Variants in CCDC15 observed in about 807,000 individuals in gnomAD.
The protein encoded by CCDC15 is coiled-coil domain-containing protein 15.
A neutral mutation model predicts 114.5 loss-of-function variants in CCDC15; 105 were observed. The ratio of observed to expected loss-of-function variants is 0.92; its 90% confidence interval spans 0.78 to 1.08. The LOEUF (loss-of-function observed/expected upper bound fraction) is 1.08. Ranked by LOEUF, CCDC15 falls within the 50% of genes least tolerant of loss-of-function variation. The pLI is 0.00. For synonymous variants in CCDC15, 334 were observed against 377.8 expected (o/e 0.88, Z 1.34); for missense variants, 1,105 against 1,093.6 (o/e 1.01, Z -0.15).
chr11:125,000,051 C>T (rs747171753), intron 11 of CCDC15, among the ~76,000 whole-genome samples: 3 of 151,320 alleles, frequency 2.0e-5, no homozygotes, highest in Non-Finnish European at 4.4e-5. Flanking sequence ...TTAGTGGAAA[C>T]GGGGTTTCAC....
At chr11:125,020,093 G>C (rs1281216477) in intron 13 of CCDC15, among the ~76,000 whole-genome samples, 1 of 151,842 alleles carries the variant, frequency 6.6e-6, no homozygotes. Flanking sequence ...CATGGAATTG[G>C]GAGACAAGAG....
intron 15 of CCDC15, 78 bp from the exon 16 acceptor site, chr11:125,040,512 C>T: frequency 2.3e-6 from 3 of 1,291,842 alleles, no homozygotes; most frequent in Non-Finnish European, 3.2e-6. Context: ...GGTAGAGAAG[C>T]AGTACTAATA....
intron 8 of CCDC15, among the ~76,000 whole-genome samples, chr11:124,991,189 A>G (rs1249878677): frequency 6.6e-6 from 1 of 152,230 alleles, no homozygotes; most frequent in Non-Finnish European, 1.5e-5. Flanking sequence ...CTATGCAGGC[A>G]TCATCAGGCC....
intron 8 of CCDC15, among the ~76,000 whole-genome samples, chr11:124,988,529 G>T (rs1242064724): frequency 6.6e-6 from 1 of 152,168 alleles, no homozygotes; most frequent in East Asian, 1.9e-4. Context: ...GATGTTTGGG[G>T]TGGCTGTGGA....
Position 125,038,545 on chromosome 11 carries a change from A to T in CCDC15, c.2526A>T (p.Leu842Phe). 1 of 1,582,198 alleles carries T rather than the reference A, an allele frequency of 6.3e-7. No individual in the cohort carries two copies. The highest frequency in any genetic ancestry group is 8.6e-7 in the Non-Finnish European group (1 of 1,165,234). Residue 842 changes from leucine to phenylalanine, a missense_variant, in exon 14 of 16, where the codon TTA becomes TTT. Coordinates refer to ENST00000344762, the MANE Select transcript of CCDC15 (RefSeq NM_025004.3). ...AGTTGAGTGAGATATTAGCCCAGTT[A>T]CAACTTCAAGAAATAAAAGGAACCA... is the stretch of plus-strand genomic sequence containing the variant. Reference protein sequence around the residue: ...GEKLSEILAQLQLQEIKGTRE... With the variant: ...GEKLSEILAQFQLQEIKGTRE...
chr11:124,987,092 C>A, intron 7 of CCDC15, 35 bp from the exon 8 acceptor site: 1 of 1,462,012 alleles, frequency 6.8e-7, no homozygotes, highest in Non-Finnish European at 9.1e-7. Context: ...GCTACTAACT[C>A]ACATTCTGTA....
Position 125,038,901 on chromosome 11 carries a change from A to T in CCDC15, c.2586-20A>T, listed in dbSNP as rs1469824586. 2 of 1,600,294 alleles carry T rather than the reference A, an allele frequency of 1.2e-6. No homozygotes were observed. Among genetic ancestry groups the T allele is most frequent in the Non-Finnish European group, 1.7e-6 (2 of 1,173,410 alleles). ...TCTTTTTAATAGTTCACTTTGCCTGATTATACTTTATTTGTACAGATATGT... is the reference window on the plus strand; with the variant it reads ...TCTTTTTAATAGTTCACTTTGCCTGTTTATACTTTATTTGTACAGATATGT... On this transcript the variant is annotated intron_variant, in intron 14 of 15. Coordinates refer to ENST00000344762, the MANE Select transcript of CCDC15 (RefSeq NM_025004.3).
rs1402202239 is a variant in CCDC15 at position 124,975,161 on chromosome 11, G to A, written c.582G>A (p.Lys194=). 2 of 1,603,816 alleles carry A rather than the reference G, an allele frequency of 1.2e-6. No individual in the cohort carries two copies. The highest frequency in any genetic ancestry group is 8.5e-7 in the Non-Finnish European group (1 of 1,175,886). ...CCTTTAAAACCGTGATTAAAAAAAA[G>A]GGATCAGTGTTTCCAGATGATGGAA... is the stretch of plus-strand genomic sequence containing the variant. ...LASFKTVIKK[K]GSVFPDDGRK... The change falls in exon 5 of 16, where the codon AAG becomes AAA. Residue 194 remains lysine, a synonymous_variant. Transcript: ENST00000344762.
At chr11:124,986,711 G>GCGCA (rs1565366484) in intron 6 of CCDC15, 31 bp from the exon 7 acceptor site, 2 of 1,456,792 alleles carry the variant, frequency 1.4e-6, no homozygotes, top group South Asian at 1.4e-5. Flanking sequence ...GCGCGCGCGC[G>GCGCA]CGTGCGCGTT....
intron 12 of CCDC15, 35 bp from the exon 13 acceptor site, chr11:125,005,074 G>A: frequency 4.2e-6 from 4 of 947,780 alleles, no homozygotes; most frequent in South Asian, 1.8e-5. Flanking sequence ...TCCTCTGAAA[G>A]CAGAATCTTA....
chr11:125,038,330 T>G, intron 13 of CCDC15, 101 bp from the exon 14 acceptor site: 1 of 761,678 alleles, frequency 1.3e-6, no homozygotes, highest in Non-Finnish European at 2.0e-6. Flanking sequence ...ATTTCCTGAC[T>G]CCTTAGTTTC....
chr11:124,967,834 T>G (rs933768420), intron 4 of CCDC15, among the ~76,000 whole-genome samples: 7 of 152,210 alleles, frequency 4.6e-5, no homozygotes, highest in African/African-American at 1.7e-4. Flanking sequence ...ATGTCCTTTT[T>G]GTTGATGTTG....
Position 124,959,846 on chromosome 11 carries a change from C to G in CCDC15, c.359C>G (p.Ser120Cys). 6.2e-7 allele frequency: 1 copy of G among 1,602,710 alleles called. No individual in the cohort carries two copies. Residue 120 changes from serine to cysteine, a missense_variant, in exon 4 of 16, where the codon TCT (serine) becomes TGT (cysteine). Coordinates refer to ENST00000344762, the MANE Select transcript of CCDC15 (RefSeq NM_025004.3). Reference protein sequence around the residue: ...AQKEGSIAMQSSATHLTSKRT... With the variant: ...AQKEGSIAMQCSATHLTSKRT... ...AAAGAAGGCTCCATAGCCATGCAGT[C>G]TTCAGCAACACACTTAACTTCCAAA...
rs745804162 is a variant in CCDC15, at chr11:124,991,443, TA to T, written c.1909-17del. On this transcript the variant is annotated splice_polypyrimidine_tract_variant and intron_variant, in intron 8 of 15. Coordinates refer to ENST00000344762, the MANE Select transcript of CCDC15 (RefSeq NM_025004.3). ...TCTTGCTAGACAATTTATAGTTTTT[TA>T]TTATTTTATCTTTTAGAAAGTACAC... 5 of 1,470,296 alleles carry T rather than the reference TA, an allele frequency of 3.4e-6. No homozygotes were observed. Among genetic ancestry groups the T allele is most frequent in the Admixed American group, 2.0e-5 (1 of 49,016 alleles). The allele number at this position is 1,470,296 out of a possible 1,614,324, so 91.1% of individuals were successfully genotyped here. A position where few individuals can be genotyped will look rare whatever the true frequency, so the allele number is the denominator to read the frequency against.
chr11:125,036,804 A>G (rs180821607), intron 13 of CCDC15, among the ~76,000 whole-genome samples: 31 of 152,164 alleles, frequency 2.0e-4, no homozygotes, highest in African/African-American at 7.2e-5. Flanking sequence ...TAACTCCAGA[A>G]TTTCTACTTG....
chr11:124,975,162 G>A lies in CCDC15; in HGVS notation c.583G>A (p.Gly195Arg), dbSNP rs754705956. The A allele has an allele frequency of 1.2e-6, 2 of 1,603,506 alleles. No homozygotes were observed. The highest frequency in any genetic ancestry group is 3.4e-5 in the Admixed American group (2 of 58,122). The stretch of plus-strand genomic sequence containing the variant: ...CTTTAAAACCGTGATTAAAAAAAAG[G>A]GATCAGTGTTTCCAGATGATGGAAG... ...ASFKTVIKKKGSVFPDDGRKS... is the reference protein window; with the variant it reads ...ASFKTVIKKKRSVFPDDGRKS... Residue 195 changes from glycine to arginine, a missense_variant, in exon 5 of 16, where the codon GGA (glycine) becomes AGA (arginine). Gly to Arg is a moderately radical substitution (Grantham distance 125). Transcript: ENST00000344762.
At chr11:124,985,281 T>G (rs952239873) in intron 6 of CCDC15, among the ~76,000 whole-genome samples, 3 of 152,248 alleles carry the variant, frequency 2.0e-5, no homozygotes, top group Non-Finnish European at 2.9e-5. Context: ...TTTCACTTCT[T>G]GGTGTTTATG....
intron 3 of CCDC15, 66 bp downstream of exon 3, chr11:124,959,330 T>G: frequency 7.5e-7 from 1 of 1,336,658 alleles, no homozygotes; most frequent in Non-Finnish European, 1.0e-6. Flanking sequence ...GATAAGCTAT[T>G]AGGCAGTAAC....
At chr11:124,984,286 C>G (rs754262810) in intron 6 of CCDC15, among the ~76,000 whole-genome samples, 1 of 152,058 alleles carries the variant, frequency 6.6e-6, no homozygotes, top group Non-Finnish European at 1.5e-5. Flanking sequence ...TTGGTGTGGT[C>G]TGCTGTGATG....
Sources: gnomAD v4.1 joint callset for allele counts (sites outside exome capture counted in the v4.1 genomes callset) on GRCh38, gnomAD v4.1.1 for gene constraint, MANE v1.5 for transcripts, NCBI Gene and HGNC (gene_info 2026-07-23, HGNC 2026-07-21) for gene names.